ATG10: variants seen among roughly 807,000 people sequenced by gnomAD.
ATG10 encodes autophagy related 10.
In ATG10, 30 loss-of-function variants were observed where a neutral mutation model predicts 32.1. That is an observed-to-expected ratio of 0.94 (90% CI 0.70 to 1.27). The LOEUF is 1.27. Ranked by LOEUF, ATG10 falls within the 50% of genes most tolerant of loss-of-function variation. ATG10 has a pLI of 0.00. For synonymous variants in ATG10, 87 were observed against 91.5 expected (o/e 0.95, Z 0.28); for missense variants, 233 against 262.3 (o/e 0.89, Z 0.77).
intron 2 of ATG10, among the ~76,000 whole-genome samples, chr5:82,042,181 C>T (rs913768063): frequency 3.3e-5 from 5 of 152,230 alleles, no homozygotes; most frequent in African/African-American, 1.2e-4. Context: ...TGGGAGGCCT[C>T]AGGAAACTGA....
At chr5:81,995,793 T>C (rs935034742) in intron 2 of ATG10, among the ~76,000 whole-genome samples, 1 of 152,226 alleles carries the variant, frequency 6.6e-6, no homozygotes, top group South Asian at 2.1e-4. Context: ...TTGGCAAAGA[T>C]AGCAATTTAA....
Position 82,024,577 on chromosome 5 carries a change from T to C in ATG10, c.109-33918T>C, listed in dbSNP as rs539025094. 3.3e-5 allele frequency among the ~76,000 whole-genome samples: 5 copies of C among 152,352 alleles called. No individual in the cohort carries two copies. The East Asian group carries it at 7.7e-4, about 23-fold the overall frequency. ...TGACAGATTGGAAATAAAATCCTGATCTTTCACCACAGATGGTTTGAAAAG... is the reference window on the plus strand; with the variant it reads ...TGACAGATTGGAAATAAAATCCTGACCTTTCACCACAGATGGTTTGAAAAG... On this transcript the variant is annotated intron_variant, in intron 2 of 7. Transcript: ENST00000282185.
At chr5:82,118,091 G>A (rs1765879106) in intron 3 of ATG10, among the ~76,000 whole-genome samples, 1 of 151,838 alleles carries the variant, frequency 6.6e-6, no homozygotes, top group South Asian at 2.1e-4. Flanking sequence ...AATGGAACCA[G>A]TAAGAATAGG....
At chr5:82,197,447 T>A (rs1318066036) in intron 5 of ATG10, among the ~76,000 whole-genome samples, 1 of 133,456 alleles carries the variant, frequency 7.5e-6, no homozygotes, top group African/African-American at 3.0e-5. Context: ...TATCTATCTA[T>A]CTATCTGTCT....
At chr5:82,098,915 A>G (rs914346030) in intron 3 of ATG10, among the ~76,000 whole-genome samples, 3 of 152,262 alleles carry the variant, frequency 2.0e-5, no homozygotes, top group Admixed American at 1.3e-4. Flanking sequence ...AAATAGAAAT[A>G]TGAACTTTAT....
At chr5:81,997,980 A>G (rs140269429) in intron 2 of ATG10, among the ~76,000 whole-genome samples, 128 of 152,368 alleles carry the variant, frequency 8.4e-4, no homozygotes, top group African/African-American at 2.9e-3. Context: ...GATATCGTCC[A>G]TGCAAATTTC....
chr5:82,169,278 A>T (rs1486023252), intron 4 of ATG10, among the ~76,000 whole-genome samples: 2 of 152,106 alleles, frequency 1.3e-5, no homozygotes, highest in Admixed American at 1.3e-4. Context: ...GTGCCTGAGT[A>T]AAACAGAAAG....
intron 2 of ATG10, among the ~76,000 whole-genome samples, chr5:81,995,372 A>G (rs1460114949): frequency 6.6e-6 from 1 of 152,062 alleles, no homozygotes; most frequent in Non-Finnish European, 1.5e-5. Context: ...CGAACTCCTG[A>G]CCTCAAGCGA....
chr5:82,215,655 G>A (rs1259769923), intron 5 of ATG10, among the ~76,000 whole-genome samples: 4 of 151,958 alleles, frequency 2.6e-5, no homozygotes, highest in African/African-American at 9.7e-5. Flanking sequence ...ATATTTCCAG[G>A]CCAGACACGG....
chr5:82,127,378 G>T (rs983207451), intron 3 of ATG10, among the ~76,000 whole-genome samples: 6 of 152,040 alleles, frequency 3.9e-5, no homozygotes, highest in African/African-American at 1.2e-4. Flanking sequence ...TGATGTTAAG[G>T]TATCAGTTTT....
intron 3 of ATG10, among the ~76,000 whole-genome samples, chr5:82,106,876 G>A (rs915519611): frequency 3.9e-5 from 6 of 151,970 alleles, no homozygotes; most frequent in African/African-American, 1.2e-4. Context: ...AATTTGAGCA[G>A]TCAGTGTACT....
At chr5:82,018,272 A>G (rs140760632) in intron 2 of ATG10, among the ~76,000 whole-genome samples, 66 of 151,736 alleles carry the variant, frequency 4.3e-4, no homozygotes, top group African/African-American at 1.5e-3. Flanking sequence ...TTTTTTTTAC[A>G]CCCCACATCT....
chr5:82,160,806 G>T lies in ATG10; in HGVS notation c.217-3593G>T, dbSNP rs533642194. Among the ~76,000 whole-genome samples the T allele has an allele frequency of 6.6e-5, 10 of 152,172 alleles. 1 individual carries two copies. In the South Asian group the frequency reaches 2.1e-3, roughly 32 times the overall value. Reference sequence around the variant, plus strand: ...ATTTGCCATTGGTATATCCTCTTTGGTGATATTTTGCATCTTTACTCCTCC... The same window carrying T: ...ATTTGCCATTGGTATATCCTCTTTGTTGATATTTTGCATCTTTACTCCTCC... On this transcript the variant is annotated intron_variant, in intron 3 of 7. Coordinates refer to ENST00000282185, the MANE Select transcript of ATG10 (RefSeq NM_031482.5).
intron 2 of ATG10, among the ~76,000 whole-genome samples, chr5:82,051,508 C>G (rs1270407248): frequency 6.6e-6 from 1 of 152,124 alleles, no homozygotes; most frequent in Non-Finnish European, 1.5e-5. Context: ...TATTTTCTTT[C>G]ATTCTTGAGT....
rs556594340 is a variant in ATG10 at position 82,027,426 on chromosome 5, A to C, written c.109-31069A>C. Reference sequence around the variant, plus strand: ...AAAAAAGAGAAAATCAATTAATCAAAATATTTTAAATCACACATGAGTATA... The same window carrying C: ...AAAAAAGAGAAAATCAATTAATCAACATATTTTAAATCACACATGAGTATA... On this transcript the variant is annotated intron_variant, in intron 2 of 7. Transcript: ENST00000282185. Among the ~76,000 whole-genome samples, 175 of 152,292 alleles carry C rather than the reference A, an allele frequency of 1.1e-3. 2 individuals carry two copies. The highest frequency in any genetic ancestry group is 2.3e-3 in the Admixed American group (35 of 15,294).
intron 1 of ATG10, among the ~76,000 whole-genome samples, chr5:81,983,243 C>G (rs1465490433): frequency 1.3e-5 from 2 of 149,864 alleles, no homozygotes; most frequent in African/African-American, 2.4e-5. Context: ...TGACCCCCCC[C>G]CCCACCTCCC....
At chr5:82,253,291 C>T in intron 6 of ATG10, 23 bp from the exon 7 acceptor site, 1 of 1,486,106 alleles carries the variant, frequency 6.7e-7, no homozygotes, top group Non-Finnish European at 9.4e-7. Context: ...GTTAGCATGG[C>T]CTGTATTTCA....
intron 2 of ATG10, among the ~76,000 whole-genome samples, chr5:82,004,008 T>C (rs1348096360): frequency 1.3e-5 from 2 of 151,966 alleles, no homozygotes; most frequent in East Asian, 3.9e-4. Flanking sequence ...GTCATTGTAG[T>C]GGGGGCACCT....
intron 3 of ATG10, among the ~76,000 whole-genome samples, chr5:82,065,681 ATAG>A (rs1763922862): frequency 1.3e-5 from 2 of 152,100 alleles, no homozygotes; most frequent in Non-Finnish European, 2.9e-5. Flanking sequence ...ATATCATTTA[ATAG>A]TAGTGAAAAA....
Sources: allele counts gnomAD v4.1 joint callset (sites outside exome capture counted in the v4.1 genomes callset), GRCh38; gene constraint gnomAD v4.1.1; transcripts MANE v1.5; gene names NCBI Gene and HGNC (gene_info 2026-07-23, HGNC 2026-07-21).